Variants in PTPRG observed in about 807,000 individuals in gnomAD.
PTPRG encodes the protein receptor-type tyrosine-protein phosphatase gamma.
Under a neutral mutation model 165.3 loss-of-function variants are expected in PTPRG, and 102 were observed. The observed-to-expected ratio is 0.62, with a 90% CI of 0.53 to 0.73. The LOEUF is 0.73. Ranked by LOEUF, PTPRG falls within the 30% of genes least tolerant of loss-of-function variation. The pLI, the probability that PTPRG is intolerant of heterozygous loss-of-function variation, is 0.00. For synonymous variants in PTPRG, 675 were observed against 669.5 expected, an observed-to-expected ratio of 1.01 and a Z score of -0.13; for missense variants, 1,866 against 1,861.4, an observed-to-expected ratio of 1.00 and a Z score of -0.05.
At chr3:61,765,951 C>T (rs1281209435) in intron 2 of PTPRG, among the ~76,000 whole-genome samples, 1 of 152,162 alleles carries the variant, frequency 6.6e-6, no homozygotes, top group Non-Finnish European at 1.5e-5. Flanking sequence ...GTGGTCACCG[C>T]TTCTATGGAG....
intron 5 of PTPRG, among the ~76,000 whole-genome samples, chr3:62,106,689 G>A (rs1316530681): frequency 1.3e-5 from 2 of 152,104 alleles, no homozygotes; most frequent in Admixed American, 6.5e-5. Context: ...GTTTTGTAGA[G>A]ATGGGGTTTC....
Position 61,824,782 on chromosome 3 carries a change from C to A in PTPRG, c.190+75800C>A, listed in dbSNP as rs375862609. On this transcript the variant is annotated intron_variant, in intron 2 of 29. Transcript: ENST00000474889. Reference sequence around the variant, plus strand: ...CTTCAGCCTGGGCAACAAAGCAAGACCTCATGTCAAAACAAACTGTGATTT... The same window carrying A: ...CTTCAGCCTGGGCAACAAAGCAAGAACTCATGTCAAAACAAACTGTGATTT... Among the ~76,000 whole-genome samples the A allele has an allele frequency of 1.9e-4, 29 of 152,298 alleles. No homozygotes were observed. In the East Asian group the frequency reaches 3.1e-3, roughly 16 times the overall value.
chr3:61,688,893 C>G (rs1365996830), intron 1 of PTPRG, among the ~76,000 whole-genome samples: 1 of 152,184 alleles, frequency 6.6e-6, no homozygotes, highest in African/African-American at 2.4e-5. Context: ...TATTCTTGAA[C>G]TGTCCTGCCC....
At position 62,247,491 on chromosome 3, in the gene PTPRG, C is replaced by A. The variant is rs537912200; in HGVS notation, c.2467+3593C>A. On this transcript the variant is annotated intron_variant, in intron 15 of 29. Coordinates refer to ENST00000474889, the MANE Select transcript of PTPRG (RefSeq NM_002841.4). ...TTTGGTTTTTCATTAAATTCTCTTTCATCCTCCTGGAGGGAATTTCATAAT... is the reference window on the plus strand; with the variant it reads ...TTTGGTTTTTCATTAAATTCTCTTTAATCCTCCTGGAGGGAATTTCATAAT... Among the ~76,000 whole-genome samples the A allele has an allele frequency of 2.6e-5, 4 of 152,256 alleles. No homozygotes were observed. The East Asian group carries it at 7.7e-4, about 29-fold the overall frequency.
intron 1 of PTPRG, among the ~76,000 whole-genome samples, chr3:61,676,938 A>G (rs1003154299): frequency 6.6e-6 from 1 of 152,080 alleles, no homozygotes; most frequent in Non-Finnish European, 1.5e-5. Context: ...GGTAAAAACA[A>G]TACATTAAGA....
chr3:61,778,701 C>T (rs1033554473), intron 2 of PTPRG, among the ~76,000 whole-genome samples: 2 of 152,054 alleles, frequency 1.3e-5, no homozygotes, highest in Non-Finnish European at 1.5e-5. Context: ...TAGTACTGAC[C>T]TACTGTAGCC....
intron 2 of PTPRG, among the ~76,000 whole-genome samples, chr3:61,794,041 T>C (rs562477889): frequency 1.3e-5 from 2 of 152,136 alleles, no homozygotes; most frequent in Non-Finnish European, 2.9e-5. Flanking sequence ...GATTTTGGAG[T>C]ATCTGCTTAG....
At chr3:62,267,870 T>TA (rs768416785) in intron 19 of PTPRG, 51 bp downstream of exon 19, 2 of 1,590,266 alleles carry the variant, frequency 1.3e-6, no homozygotes, top group East Asian at 4.5e-5. Context: ...ATTCAAAAGA[T>TA]ACTTGTGGAG....
intron 1 of PTPRG, among the ~76,000 whole-genome samples, chr3:61,728,848 G>A (rs1229637410): frequency 6.9e-6 from 1 of 144,998 alleles, no homozygotes; most frequent in Non-Finnish European, 1.5e-5. Flanking sequence ...CCCAGTCTGC[G>A]CATCACAGTG....
In PTPRG at chr3:62,250,199, G is replaced by T. The variant is rs184616826; in HGVS notation, c.2468-4925G>T. On this transcript the variant is annotated intron_variant, in intron 15 of 29. Transcript: ENST00000474889. ...CTGATTGCTTTTCATAACACTCTAT[G>T]AATTAAGTACTGTTAGTTATTCCCA... Among the ~76,000 whole-genome samples the T allele has an allele frequency of 3.6e-3, 542 of 152,336 alleles. 2 individuals carry two copies. Among genetic ancestry groups the T allele is most frequent in the Middle Eastern group, 6.8e-3 (2 of 294 alleles).
intron 1 of PTPRG, among the ~76,000 whole-genome samples, chr3:61,728,543 A>G (rs931742481): frequency 6.6e-6 from 1 of 152,146 alleles, no homozygotes; most frequent in Non-Finnish European, 1.5e-5. Flanking sequence ...TGATTGCACC[A>G]CTGCCCTCCA....
chr3:61,835,804 C>T (rs1201722498), intron 2 of PTPRG, among the ~76,000 whole-genome samples: 5 of 151,460 alleles, frequency 3.3e-5, no homozygotes, highest in Admixed American at 2.6e-4. Context: ...TTTGGGAGGC[C>T]GAGGTGGGTG....
chr3:61,887,431 G>T (rs183710411), intron 2 of PTPRG, among the ~76,000 whole-genome samples: 1 of 152,098 alleles, frequency 6.6e-6, no homozygotes, highest in Admixed American at 6.5e-5. Flanking sequence ...AGATTTCCCA[G>T]TGTACTGTTT....
chr3:62,208,166 C>T (rs1039954236), intron 12 of PTPRG, among the ~76,000 whole-genome samples: 2 of 152,128 alleles, frequency 1.3e-5, no homozygotes, highest in Admixed American at 6.5e-5. Flanking sequence ...GGCTTGAAGG[C>T]CTAGGTGTAC....
At chr3:61,844,900 A>T (rs529182741) in intron 2 of PTPRG, among the ~76,000 whole-genome samples, 27 of 152,320 alleles carry the variant, frequency 1.8e-4, no homozygotes, top group African/African-American at 6.3e-4. Flanking sequence ...AGTAATAGGG[A>T]TACCTACATC....
At position 62,195,692 on chromosome 3, in the gene PTPRG, A is replaced by G. The variant is rs1438560536; in HGVS notation, c.1327+522A>G. Among the ~76,000 whole-genome samples, 1 of 152,150 alleles carries G rather than the reference A, an allele frequency of 6.6e-6. No individual in the cohort carries two copies. Among genetic ancestry groups the G allele is most frequent in the African/African-American group, 2.4e-5 (1 of 41,446 alleles). ...GACTAATAGAAAGGTCCAGGGCCAG[A>G]ACTAGGGTGAAGCAAATGGGACATT... On this transcript the variant is annotated intron_variant, in intron 10 of 29. Transcript: ENST00000474889. This position sits in a 1 kb window ranked among gnomAD's most constrained non-coding sequence, Gnocchi z 4.4.
At chr3:61,727,014 T>G (rs1208859852) in intron 1 of PTPRG, among the ~76,000 whole-genome samples, 1 of 148,364 alleles carries the variant, frequency 6.7e-6, no homozygotes, top group Admixed American at 6.8e-5. Context: ...GCCACTGCAG[T>G]CCAGCCTGGG....
intron 1 of PTPRG, among the ~76,000 whole-genome samples, chr3:61,604,590 C>A (rs906164044): frequency 3.9e-5 from 6 of 152,118 alleles, no homozygotes; most frequent in African/African-American, 1.2e-4. Flanking sequence ...ATGTAAGTAC[C>A]ATTTTTTCCA....
intron 1 of PTPRG, among the ~76,000 whole-genome samples, chr3:61,600,182 A>ATGTGTGTGTGTG (rs1559518876): frequency 1.1e-4 from 11 of 97,158 alleles, no homozygotes; most frequent in African/African-American, 3.6e-4. Context: ...AAATATATAT[A>ATGTGTGTGTGTG]TATATATATA....
Sources: gnomAD v4.1 joint callset for allele counts (sites outside exome capture counted in the v4.1 genomes callset) on GRCh38, gnomAD v4.1.1 for gene constraint, Gnocchi (gnomAD v3.1) non-coding constraint, MANE v1.5 for transcripts, NCBI Gene and HGNC (gene_info 2026-07-23, HGNC 2026-07-21) for gene names.